The following PRDM14 variants were observed in gnomAD, a reference collection of about 807,000 sequenced individuals.
PRDM14 encodes PR/SET domain 14.
Under a neutral mutation model 48.0 loss-of-function variants are expected in PRDM14, and 16 were observed. That is an observed-to-expected ratio of 0.33 (90% CI 0.23 to 0.51). The LOEUF (loss-of-function observed/expected upper bound fraction) is 0.51, where lower values mean the gene tolerates loss of function less well. Ranked by LOEUF, PRDM14 falls within the 20% of genes least tolerant of loss-of-function variation. The pLI, the probability that PRDM14 is intolerant of heterozygous loss-of-function variation, is 0.97. For synonymous variants in PRDM14, 264 were observed against 276.6 expected (o/e 0.95, Z 0.45); for missense variants, 566 against 719.6 (o/e 0.79, Z 2.44).
intron 5 of PRDM14, among the ~76,000 whole-genome samples, chr8:70,065,147 A>C (rs1396135230): frequency 1.3e-5 from 2 of 151,962 alleles, no homozygotes; most frequent in Non-Finnish European, 2.9e-5. Flanking sequence ...CGGCATCCCA[A>C]AGTGCTGGGA....
intron 7 of PRDM14, 120 bp from the exon 8 acceptor site, chr8:70,052,424 A>G: frequency 1.4e-6 from 1 of 713,866 alleles, no homozygotes; most frequent in East Asian, 2.7e-5. Flanking sequence ...TTGGGTTTTA[A>G]GGCCATAGAG....
At position 70,052,139 on chromosome 8, in the gene PRDM14, C is replaced by T. The variant is rs766779014; in HGVS notation, c.1654G>A (p.Gly552Arg). ...GTTTCTTGATCTGAGAAGATTTTCC[C>T]ACAGATGCTGCATGAGCAGCCATCA... ...EDDGCSCSIC[G>R]KIFSDQETFY... Residue 552 changes from glycine (G) to arginine (R), a missense_variant, in exon 8 of 8, where the codon GGG (glycine) becomes AGG (arginine). Physicochemically the swap from Gly to Arg is moderately radical, Grantham distance 125. Transcript: ENST00000276594. 1.2e-6 allele frequency: 2 copies of T among 1,613,080 alleles called. No homozygotes were observed. Among genetic ancestry groups the T allele is most frequent in the Non-Finnish European group, 1.7e-6 (2 of 1,179,864 alleles).
chr8:70,052,684 G>A (rs527672480), intron 7 of PRDM14, among the ~76,000 whole-genome samples: 1 of 152,130 alleles, frequency 6.6e-6, no homozygotes, highest in South Asian at 2.1e-4. Context: ...GGCCAACATG[G>A]TGAAACCCCA....
intron 1 of PRDM14, 36 bp from the exon 2 acceptor site, chr8:70,069,920 G>C (rs929624906): frequency 2.1e-5 from 28 of 1,354,402 alleles, no homozygotes; most frequent in Non-Finnish European, 2.8e-5. Flanking sequence ...GACACCGCGC[G>C]GGAGCTTCCC....
At position 70,069,430 on chromosome 8, in the gene PRDM14, C is replaced by T; in HGVS notation, c.431G>A (p.Cys144Tyr). The T allele has an allele frequency of 6.3e-7, 1 of 1,591,628 alleles. No homozygotes were observed. The highest frequency in any genetic ancestry group is 8.6e-7 in the Non-Finnish European group (1 of 1,167,892). The change falls in exon 2 of 8, where the codon TGT becomes TAT. Residue 144 changes from cysteine to tyrosine, a missense_variant. Coordinates refer to ENST00000276594, the MANE Select transcript of PRDM14 (RefSeq NM_024504.4). ...CGGTGGAATTAAAGTGTCAGGTCCA[C>T]AACACGGGCCACTCTCGTTGTCGCC... is the stretch of plus-strand genomic sequence containing the variant. ...IGGDNESGPC[C>Y]GPDTLIPPPP... is the part of the protein sequence containing the mutation.
chr8:70,059,074 C>T (rs935311367), intron 5 of PRDM14, among the ~76,000 whole-genome samples: 28 of 152,084 alleles, frequency 1.8e-4, no homozygotes, highest in African/African-American at 6.8e-4. Flanking sequence ...CCTGCCTCAG[C>T]CTCCCAAGTA....
chr8:70,068,695 C>T (rs1051431367), intron 2 of PRDM14, among the ~76,000 whole-genome samples, 163 bp from the exon 3 acceptor site: 2 of 152,164 alleles, frequency 1.3e-5, no homozygotes, highest in East Asian at 1.9e-4. Context: ...TCTGTTCATA[C>T]ACGATTTCAC....
At chr8:70,057,324 G>A (rs902825292) in intron 6 of PRDM14, among the ~76,000 whole-genome samples, 3 of 148,740 alleles carry the variant, frequency 2.0e-5, no homozygotes, top group African/African-American at 7.4e-5. Flanking sequence ...TGCTTGATAA[G>A]ACAATATTTT....
chr8:70,062,217 TTA>T (rs1264312133), intron 5 of PRDM14, among the ~76,000 whole-genome samples: 2 of 152,210 alleles, frequency 1.3e-5, no homozygotes, highest in African/African-American at 2.4e-5. Flanking sequence ...CACAAGTATC[TTA>T]TCTGCATGCT....
At chr8:70,066,165 G>C in intron 5 of PRDM14, 70 bp downstream of exon 5, 1 of 1,519,494 alleles carries the variant, frequency 6.6e-7, no homozygotes, top group Non-Finnish European at 9.0e-7. Context: ...GTGCATGGAG[G>C]GTTTGTGGAA....
chr8:70,065,695 T>C (rs796334561), intron 5 of PRDM14, among the ~76,000 whole-genome samples: 1 of 152,086 alleles, frequency 6.6e-6, no homozygotes, highest in Non-Finnish European at 1.5e-5. Context: ...TACCCACATA[T>C]ACCCATGTGA....
chr8:70,064,459 A>C (rs1239395746), intron 5 of PRDM14, among the ~76,000 whole-genome samples: 1 of 151,490 alleles, frequency 6.6e-6, no homozygotes, highest in African/African-American at 2.4e-5. Flanking sequence ...TAAAGTGTTT[A>C]GGGTTATTTC....
At chr8:70,057,552 G>A (rs1341203647) in intron 6 of PRDM14, among the ~76,000 whole-genome samples, 4 of 151,960 alleles carry the variant, frequency 2.6e-5, no homozygotes, top group Non-Finnish European at 4.4e-5. Flanking sequence ...GGCTGGTCTC[G>A]AACTCCTGGC....
intron 1 of PRDM14, among the ~76,000 whole-genome samples, chr8:70,070,379 C>G (rs1805746292): frequency 6.6e-6 from 1 of 152,188 alleles, no homozygotes; most frequent in African/African-American, 2.4e-5. Flanking sequence ...CAAGCGACAG[C>G]TCCAGGCGCT....
intron 5 of PRDM14, among the ~76,000 whole-genome samples, chr8:70,065,776 T>A (rs559206276): frequency 2.2e-4 from 24 of 111,164 alleles, no homozygotes; most frequent in African/African-American, 1.0e-3. Flanking sequence ...TACTCTATAC[T>A]TTTTTTTTTT....
chr8:70,064,313 CCCT>C, intron 5 of PRDM14, among the ~76,000 whole-genome samples: 1 of 152,102 alleles, frequency 6.6e-6, no homozygotes, highest in East Asian at 1.9e-4. Context: ...CTTCACTGTT[CCCT>C]GAGCCTGATT....
intron 5 of PRDM14, 87 bp downstream of exon 5, chr8:70,066,148 A>G: frequency 7.1e-7 from 1 of 1,408,720 alleles, no homozygotes; most frequent in South Asian, 1.3e-5. Context: ...TTTAGGAGGG[A>G]GGAGCTGTGC....
At chr8:70,067,520 GA>G (rs1158520319) in intron 4 of PRDM14, among the ~76,000 whole-genome samples, 2,034 of 81,358 alleles carry the variant, frequency 0.025, 67 homozygotes, top group African/African-American at 0.082. Flanking sequence ...TCCGTCTCAA[GA>G]AAAAAAAAAC....
intron 3 of PRDM14, 22 bp downstream of exon 3, chr8:70,068,457 C>A (rs775726735): frequency 6.2e-7 from 1 of 1,613,990 alleles, no homozygotes; most frequent in South Asian, 1.1e-5. Flanking sequence ...GGAAAGAAAT[C>A]CATGCAAGGA....
Sources: gnomAD v4.1 joint callset for allele counts (sites outside exome capture counted in the v4.1 genomes callset) on GRCh38, gnomAD v4.1.1 for gene constraint, MANE v1.5 for transcripts, NCBI Gene and HGNC (gene_info 2026-07-23, HGNC 2026-07-21) for gene names.